The following KAT7 variants were observed in gnomAD, a reference collection of about 807,000 sequenced individuals.
KAT7 encodes the protein lysine acetyltransferase 7.
Under a neutral mutation model 82.1 loss-of-function variants are expected in KAT7, and 10 were observed. The ratio of observed to expected loss-of-function variants is 0.12; its 90% CI spans 0.08 to 0.21. The LOEUF is 0.21. Among genes scored for constraint, KAT7 ranks in the 10% least tolerant of loss-of-function variants. The pLI is 1.00. For synonymous variants in KAT7, 250 were observed against 262.5 expected, an observed-to-expected ratio of 0.95 and a Z score of 0.46; for missense variants, 378 against 760.9, an observed-to-expected ratio of 0.50 and a Z score of 5.92.
In KAT7 at chr17:49,826,784, A is replaced by T; in HGVS notation, c.1719A>T (p.Leu573=). 6.2e-7 allele frequency: 1 copy of T among 1,606,290 alleles called. No homozygotes were observed. Among genetic ancestry groups the T allele is most frequent in the Admixed American group, 1.7e-5 (1 of 59,998 alleles). The stretch of plus-strand genomic sequence containing the variant: ...TCAAATACTGGAAGGGAAAACACCT[A>T]GTTTTAAAGAGACAGGTAAGGTTCT... The part of the protein sequence containing the change: ...QMLKYWKGKH[L]VLKRQDLIDE... The change falls in exon 14 of 15, where the codon CTA becomes CTT. Residue 573 remains leucine, a synonymous_variant. Coordinates refer to ENST00000259021, the MANE Select transcript of KAT7 (RefSeq NM_007067.5).
At chr17:49,823,326 C>T (rs1393885082) in intron 12 of KAT7, 31 bp downstream of exon 12, 1 of 1,137,594 alleles carries the variant, frequency 8.8e-7, no homozygotes, top group Admixed American at 1.7e-5. Flanking sequence ...ATTAGTTCCA[C>T]AAGGCAGGGA....
chr17:49,826,719 C>G lies in KAT7; in HGVS notation c.1654C>G (p.Pro552Ala). 1.2e-6 allele frequency: 2 copies of G among 1,611,672 alleles called. No individual in the cohort carries two copies. The highest frequency in any genetic ancestry group is 1.7e-6 in the Non-Finnish European group (2 of 1,179,472). ...AATCAGTCAGGAGACGGCTGTGAAT[C>G]CTGTGGACATTGTCAGCACTCTGCA... ...KEISQETAVN[P>A]VDIVSTLQAL... Residue 552 changes from proline to alanine, a missense_variant, in exon 14 of 15, where the codon CCT becomes GCT. Physicochemically the swap from Pro to Ala is conservative, Grantham distance 27 (BLOSUM62 -1). Around this residue, in one of 6 missense-constraint regions of KAT7, gnomAD observed 44 missense variants for 102.2 expected, o/e 0.43. Transcript: ENST00000259021.
intron 9 of KAT7, among the ~76,000 whole-genome samples, chr17:49,818,986 CT>C (rs1205045540): frequency 2.0e-5 from 3 of 152,164 alleles, no homozygotes; most frequent in African/African-American, 7.2e-5. Context: ...ATCCACCCAC[CT>C]CAGCTTCCCA....
chr17:49,809,142 G>A lies in KAT7; in HGVS notation c.687G>A (p.Lys229=), dbSNP rs2074129816. The change falls in exon 6 of 15, where the codon AAG becomes AAA. Residue 229 remains lysine (K), a synonymous_variant. Coordinates refer to ENST00000259021, the MANE Select transcript of KAT7 (RefSeq NM_007067.5). ...ECKVRAQSRD[K]QIEERMLSHR... is the part of the protein sequence containing the mutation. ...AGGTGAGAGCACAGAGCCGGGATAA[G>A]CAGATAGAAGAAAGGATGCTGTCTC... The A allele has an allele frequency of 1.2e-6, 2 of 1,614,016 alleles. No homozygotes were observed. The highest frequency in any genetic ancestry group is 1.7e-5 in the Admixed American group (1 of 60,002).
At chr17:49,819,491 C>G (rs1325181392) in intron 9 of KAT7, among the ~76,000 whole-genome samples, 1 of 152,112 alleles carries the variant, frequency 6.6e-6, no homozygotes, top group African/African-American at 2.4e-5. Context: ...CCATTTATGC[C>G]TTTTTTCCTT....
At chr17:49,823,427 C>G (rs1161473730) in intron 12 of KAT7, 132 bp downstream of exon 12, 1 of 622,556 alleles carries the variant, frequency 1.6e-6, no homozygotes, top group Non-Finnish European at 2.9e-6. Context: ...AATGAATGAA[C>G]AAGTAGGAAA....
intron 5 of KAT7, 97 bp from the exon 6 acceptor site, chr17:49,809,022 A>AC (rs1423074479): frequency 3.4e-6 from 3 of 892,646 alleles, no homozygotes; most frequent in Admixed American, 2.2e-5. Context: ...AAAGTAAAGT[A>AC]CAACATAAAT....
chr17:49,818,619 C>A (rs936088342), intron 9 of KAT7, among the ~76,000 whole-genome samples: 1 of 152,112 alleles, frequency 6.6e-6, no homozygotes, highest in Non-Finnish European at 1.5e-5. Flanking sequence ...AAAAAAAAGC[C>A]ATTTTTCCCC....
chr17:49,821,661 A>G lies in KAT7; in HGVS notation c.1257A>G (p.Gln419=), dbSNP rs1303145575. 1 of 1,613,190 alleles carries G rather than the reference A, an allele frequency of 6.2e-7. No homozygotes were observed. The highest frequency in any genetic ancestry group is 8.5e-7 in the Non-Finnish European group (1 of 1,180,024). The part of the protein sequence containing the change: ...VDGKKNKIYC[Q]NLCLLAKLFL... ...TTCTCTGCTTCCAGATCTACTGCCA[A>G]AACCTGTGCCTGTTGGCCAAACTTT... The change falls in exon 11 of 15, where the codon CAA becomes CAG. Residue 419 remains glutamine, a synonymous_variant. Transcript: ENST00000259021.
chr17:49,811,833 T>C (rs983055975), intron 7 of KAT7, among the ~76,000 whole-genome samples: 1 of 152,214 alleles, frequency 6.6e-6, no homozygotes, highest in Non-Finnish European at 1.5e-5. Context: ...TGTTCATAAA[T>C]TTTACTTTCA....
intron 9 of KAT7, among the ~76,000 whole-genome samples, chr17:49,819,703 GT>G (rs2074278452): frequency 6.6e-6 from 1 of 152,088 alleles, no homozygotes; most frequent in Non-Finnish European, 1.5e-5. Context: ...TCTTATTCCC[GT>G]TGCTTCAGGT....
chr17:49,809,380 T>C (rs1301862149), intron 6 of KAT7, among the ~76,000 whole-genome samples, 172 bp downstream of exon 6: 1 of 152,214 alleles, frequency 6.6e-6, no homozygotes, highest in Non-Finnish European at 1.5e-5. Flanking sequence ...AAACAAACAC[T>C]TCTACCTCAT....
rs1273520021 is a variant in KAT7 at position 49,834,858 on chromosome 17, G to A, written c.*7356G>A. The A allele has an allele frequency of 6.6e-6, 1 of 152,066 alleles. No individual in the cohort carries two copies. The highest frequency in any genetic ancestry group is 1.9e-4 in the East Asian group (1 of 5,194). 9.4% of individuals were successfully genotyped at this position (152,066 alleles called of 1,614,324 possible). On this transcript the variant is annotated 3_prime_UTR_variant, in exon 15 of 15. Transcript: ENST00000259021. Reference sequence around the variant, plus strand: ...AGACCCAATCCCTACAAAAAAATTAGTTGGGCATGGTGGTGTGCACCCGTA... The same window carrying A: ...AGACCCAATCCCTACAAAAAAATTAATTGGGCATGGTGGTGTGCACCCGTA...
chr17:49,812,223 C>T (rs1161705136), intron 7 of KAT7, among the ~76,000 whole-genome samples: 2 of 148,884 alleles, frequency 1.3e-5, no homozygotes, highest in African/African-American at 4.9e-5. Flanking sequence ...TCTGTGTTTT[C>T]GCTTAAAAAT....
intron 7 of KAT7, 35 bp from the exon 8 acceptor site, chr17:49,815,768 A>G: frequency 8.4e-7 from 1 of 1,189,654 alleles, no homozygotes; most frequent in Non-Finnish European, 1.3e-6. Context: ...AGAAGCAGAG[A>G]GTATCAGAGT....
At chr17:49,817,764 A>G (rs2143954748) in intron 8 of KAT7, 56 bp from the exon 9 acceptor site, 1 of 1,472,482 alleles carries the variant, frequency 6.8e-7, no homozygotes, top group South Asian at 1.2e-5. Context: ...TGCCCTGTCT[A>G]AAAGCAAAGA....
chr17:49,801,510 G>A (rs112692534), intron 4 of KAT7, among the ~76,000 whole-genome samples: 5 of 151,474 alleles, frequency 3.3e-5, no homozygotes, highest in African/African-American at 1.2e-4. Flanking sequence ...TTTTTTTTGA[G>A]GCAGAGTCTC....
chr17:49,788,955 C>T (rs770915615), intron 1 of KAT7, 106 bp downstream of exon 1: 97 of 1,086,722 alleles, frequency 8.9e-5, no homozygotes, highest in Admixed American at 1.6e-4. Context: ...CTTTCCGCTC[C>T]CCCGAACCTT....
intron 7 of KAT7, among the ~76,000 whole-genome samples, chr17:49,813,570 C>T (rs2074196979): frequency 6.6e-6 from 1 of 152,126 alleles, no homozygotes; most frequent in Non-Finnish European, 1.5e-5. Context: ...TGGATTCAAC[C>T]AACCACGGAT....
Sources: gnomAD v4.1 joint callset for allele counts (sites outside exome capture counted in the v4.1 genomes callset) on GRCh38, gnomAD v4.1.1 for gene constraint, gnomAD v4.1.1 regional missense constraint, MANE v1.5 for transcripts, NCBI Gene and HGNC (gene_info 2026-07-23, HGNC 2026-07-21) for gene names.